MRAP2: variants seen among roughly 807,000 people sequenced by gnomAD.
MRAP2 encodes the protein melanocortin-2 receptor accessory protein 2.
A neutral mutation model predicts 17.4 loss-of-function variants in MRAP2; 20 were observed. That is an observed-to-expected ratio of 1.15 (90% confidence interval 0.81 to 1.67). MRAP2 has a LOEUF of 1.67. Among genes scored for constraint, MRAP2 ranks in the 40% most tolerant of loss-of-function variants. The pLI is 0.00. For missense variants in MRAP2, 238 were observed against 240.0 expected (o/e 0.99, Z 0.05); for synonymous variants, 96 against 88.4 (o/e 1.09, Z -0.48).
the MRAP2 span, among the ~76,000 whole-genome samples, chr6:84,122,352 C>CAAAAAAA: frequency 1.1e-3 from 39 of 36,114 alleles, no homozygotes; most frequent in South Asian, 1.4e-3. Flanking sequence ...ACAGCACATC[C>CAAAAAAA]AAAAAAAAAA....
the MRAP2 span, among the ~76,000 whole-genome samples, chr6:84,111,928 T>A: frequency 6.6e-6 from 1 of 152,194 alleles, no homozygotes; most frequent in Admixed American, 6.5e-5. Flanking sequence ...ATATGTTGAA[T>A]CAGCCTTGCA....
the MRAP2 span, chr6:84,126,252 A>T: frequency 1.8e-6 from 1 of 570,394 alleles, no homozygotes; most frequent in African/African-American, 1.9e-5. Context: ...TTAAATTTTT[A>T]ACAAGATCAA....
intron 1 of MRAP2, among the ~76,000 whole-genome samples, chr6:84,039,558 G>A (rs1429375128): frequency 6.6e-6 from 1 of 152,190 alleles, no homozygotes; most frequent in Admixed American, 6.6e-5. Flanking sequence ...TTTATGAGAT[G>A]CTAAAATTAT....
At position 84,089,191 on chromosome 6, in the gene MRAP2, G is replaced by T; in HGVS notation, c.328G>T (p.Glu110Ter). 1.9e-6 allele frequency: 3 copies of T among 1,614,176 alleles called. No homozygotes were observed. The highest frequency in any genetic ancestry group is 2.5e-6 in the Non-Finnish European group (3 of 1,180,034). ...TAAAGTATTTTCTCGCCAAGGCAACGAGGAGTCCAGGTCTCTCTTTCACTG... is the reference window on the plus strand; with the variant it reads ...TAAAGTATTTTCTCGCCAAGGCAACTAGGAGTCCAGGTCTCTCTTTCACTG... ...PDKVFSRQGN[E>*]ESRSLFHCYI... The change falls in exon 4 of 4, where the codon GAG becomes TAG. Residue 110 changes from glutamate (E) to a stop codon, truncating the protein, a stop_gained. Coordinates refer to ENST00000257776, the MANE Select transcript of MRAP2 (RefSeq NM_138409.4). LOFTEE classifies it high-confidence loss of function.
At chr6:84,124,667 A>G in the MRAP2 span, 2 of 241,518 alleles carry the variant, frequency 8.3e-6, no homozygotes, top group Non-Finnish European at 1.6e-5. Context: ...TAGAAGCCCA[A>G]TTCCCACCAT....
At chr6:84,121,499 G>A in the MRAP2 span, among the ~76,000 whole-genome samples, 3 of 152,250 alleles carry the variant, frequency 2.0e-5, no homozygotes, top group Admixed American at 2.0e-4. Context: ...TAAAATATTA[G>A]CTGGGTGTGA....
the MRAP2 span, among the ~76,000 whole-genome samples, chr6:84,129,896 T>C: frequency 2.6e-5 from 4 of 152,126 alleles, no homozygotes; most frequent in African/African-American, 9.7e-5. Flanking sequence ...CATTACTAAG[T>C]TGAATTGAAT....
chr6:84,118,004 A>T, the MRAP2 span, among the ~76,000 whole-genome samples: 1 of 152,204 alleles, frequency 6.6e-6, no homozygotes. Context: ...TTTTGGTGGA[A>T]CAGTTGTGCT....
intron 2 of MRAP2, among the ~76,000 whole-genome samples, chr6:84,058,837 G>A (rs142298834): frequency 5.1e-4 from 77 of 152,344 alleles, no homozygotes; most frequent in African/African-American, 1.8e-3. Flanking sequence ...ATTAGGTCAA[G>A]TTAATTGAAG....
downstream of MRAP2, among the ~76,000 whole-genome samples, chr6:84,093,716 A>G (rs2099502185): frequency 6.6e-6 from 1 of 152,190 alleles, no homozygotes; most frequent in Admixed American, 6.5e-5. Context: ...GCTTCTTTGT[A>G]CATCACATGT....
the MRAP2 span, among the ~76,000 whole-genome samples, chr6:84,114,965 A>G: frequency 6.6e-6 from 1 of 152,120 alleles, no homozygotes; most frequent in African/African-American, 2.4e-5. Flanking sequence ...CCAGAGGGGC[A>G]CCCGTCAGAT....
At chr6:84,067,730 G>GTTTT (rs57643473) in intron 3 of MRAP2, among the ~76,000 whole-genome samples, 9 of 125,608 alleles carry the variant, frequency 7.2e-5, no homozygotes, top group East Asian at 2.3e-4. Flanking sequence ...GGATGGAATT[G>GTTTT]TTTTTTTTTT....
At chr6:84,108,814 C>T in the MRAP2 span, among the ~76,000 whole-genome samples, 2 of 152,234 alleles carry the variant, frequency 1.3e-5, no homozygotes, top group East Asian at 3.9e-4. Flanking sequence ...TGAGGATTTA[C>T]ATTTAAGTCT....
chr6:84,116,540 G>A, the MRAP2 span, among the ~76,000 whole-genome samples: 2 of 152,144 alleles, frequency 1.3e-5, no homozygotes, highest in South Asian at 2.1e-4. Context: ...AGCAGTGTGA[G>A]AACAGACTAA....
chr6:84,074,983 C>G (rs973772275), intron 3 of MRAP2, among the ~76,000 whole-genome samples: 1 of 152,198 alleles, frequency 6.6e-6, no homozygotes, highest in African/African-American at 2.4e-5. Context: ...CTAGGCTAGG[C>G]TGTCAGACAG....
At chr6:84,104,016 C>T in the MRAP2 span, among the ~76,000 whole-genome samples, 1 of 152,188 alleles carries the variant, frequency 6.6e-6, no homozygotes, top group East Asian at 1.9e-4. Flanking sequence ...TGCCTCTTCT[C>T]CTATAGATTT....
chr6:84,142,195 T>A, the MRAP2 span, among the ~76,000 whole-genome samples: 1 of 152,150 alleles, frequency 6.6e-6, no homozygotes, highest in Non-Finnish European at 1.5e-5. Context: ...AAATGAAAAA[T>A]TTTAAGTCTT....
At chr6:84,088,410 G>A (rs1302958247) in intron 3 of MRAP2, among the ~76,000 whole-genome samples, 1 of 152,178 alleles carries the variant, frequency 6.6e-6, no homozygotes, top group African/African-American at 2.4e-5. Context: ...AGGAAACAAG[G>A]AATTAGGAAT....
At chr6:84,116,889 C>T in the MRAP2 span, among the ~76,000 whole-genome samples, 3 of 152,034 alleles carry the variant, frequency 2.0e-5, no homozygotes, top group Admixed American at 6.6e-5. Context: ...TTTGGTTTGC[C>T]AGTATTTTTT....
Sources: allele counts gnomAD v4.1 joint callset (sites outside exome capture counted in the v4.1 genomes callset), GRCh38; gene constraint gnomAD v4.1.1; transcripts MANE v1.5; gene names NCBI Gene and HGNC (gene_info 2026-07-23, HGNC 2026-07-21).